The following RYR2 variants were observed in gnomAD, a reference collection of about 807,000 sequenced individuals.
RYR2 encodes cardiac muscle ryanodine receptor-calcium release channel.
A neutral mutation model predicts 601.1 loss-of-function variants in RYR2; 227 were observed. The ratio of observed to expected loss-of-function variants is 0.38; its 90% confidence interval spans 0.34 to 0.42. RYR2 has a LOEUF of 0.42. RYR2 is among the 10% of genes least tolerant of loss of function. RYR2 has a pLI of 1.00. For synonymous variants in RYR2, 2,223 were observed against 2,175.1 expected, an observed-to-expected ratio of 1.02 and a Z score of -0.61; for missense variants, 4,646 against 6,156.5, an observed-to-expected ratio of 0.75 and a Z score of 8.21.
At chr1:237,516,162 G>T (rs1666525304) in intron 24 of RYR2, among the ~76,000 whole-genome samples, 1 of 152,086 alleles carries the variant, frequency 6.6e-6, no homozygotes, top group Admixed American at 6.5e-5. Context: ...CTAGGCTGGA[G>T]TGCAGTTACG....
In RYR2 at chr1:237,705,338, G is replaced by T. The variant is rs759364752; in HGVS notation, c.9575G>T (p.Arg3192Ile). 3 of 1,603,934 alleles carry T rather than the reference G, an allele frequency of 1.9e-6. No individual in the cohort carries two copies. The highest frequency in any genetic ancestry group is 2.2e-5 in the East Asian group (1 of 44,690). Residue 3192 changes from arginine to isoleucine, a missense_variant, in exon 67 of 105, where the codon AGA becomes ATA. Arg to Ile is a moderately conservative substitution (Grantham distance 97). Coordinates refer to ENST00000366574, the MANE Select transcript of RYR2 (RefSeq NM_001035.3). The stretch of plus-strand genomic sequence containing the variant: ...TACAATACCAAGTCTTCACGAGAAA[G>T]AGCAGGTAACACAGAAACATGTGCA... ...SIYNTKSSRE[R>I]AALSLPTNVE...
chr1:237,750,049 G>A (rs762951939), intron 80 of RYR2, among the ~76,000 whole-genome samples: 25 of 152,128 alleles, frequency 1.6e-4, no homozygotes, highest in Non-Finnish European at 3.2e-4. Flanking sequence ...GGGAGGCCGA[G>A]GCACAGGAAT....
intron 79 of RYR2, among the ~76,000 whole-genome samples, chr1:237,735,840 C>T (rs1192137890): frequency 1.6e-4 from 25 of 152,202 alleles, no homozygotes; most frequent in Non-Finnish European, 2.9e-5. Flanking sequence ...AGAAAAATAT[C>T]TGTACATGTT....
At chr1:237,409,880 T>C (rs1430723996) in intron 10 of RYR2, among the ~76,000 whole-genome samples, 2 of 152,194 alleles carry the variant, frequency 1.3e-5, no homozygotes, top group African/African-American at 4.8e-5. Context: ...ACATATGTAA[T>C]GGATTCATGA....
intron 92 of RYR2, among the ~76,000 whole-genome samples, chr1:237,789,201 C>T (rs1043044755): frequency 2.6e-5 from 4 of 152,000 alleles, no homozygotes; most frequent in African/African-American, 9.7e-5. Flanking sequence ...ACAGCAGAGT[C>T]ATATTTAGTG....
At chr1:237,166,970 A>ACCCATTG (rs1169406990) in intron 1 of RYR2, among the ~76,000 whole-genome samples, 2 of 152,250 alleles carry the variant, frequency 1.3e-5, no homozygotes, top group African/African-American at 4.8e-5. Flanking sequence ...TTGAATGAAA[A>ACCCATTG]TATGCTGACA....
At chr1:237,628,121 T>C in intron 41 of RYR2, 41 bp downstream of exon 41, 1 of 1,598,716 alleles carries the variant, frequency 6.3e-7, no homozygotes. Flanking sequence ...CTCGTAAATG[T>C]TTTCTAATTG....
chr1:237,615,700 C>G (rs1051771230), intron 37 of RYR2, among the ~76,000 whole-genome samples: 1 of 152,160 alleles, frequency 6.6e-6, no homozygotes, highest in African/African-American at 2.4e-5. Flanking sequence ...CAAGTGAACC[C>G]TGCCTTTCAG....
chr1:237,104,651 G>C (rs940743818), intron 1 of RYR2, among the ~76,000 whole-genome samples: 1 of 152,160 alleles, frequency 6.6e-6, no homozygotes, highest in Non-Finnish European at 1.5e-5. Context: ...TCTCCCAGCT[G>C]TTACTGGGTC....
At chr1:237,670,348 G>T (rs1304311046) in intron 58 of RYR2, among the ~76,000 whole-genome samples, 1 of 150,834 alleles carries the variant, frequency 6.6e-6, no homozygotes, top group Non-Finnish European at 1.5e-5. Context: ...ACGGGAGAGG[G>T]AGAGGGAGAG....
intron 25 of RYR2, among the ~76,000 whole-genome samples, chr1:237,545,241 T>A (rs1669674346): frequency 6.6e-6 from 1 of 152,222 alleles, no homozygotes; most frequent in Admixed American, 6.5e-5. Context: ...AGAGGAATGA[T>A]TTTGTCAATA....
chr1:237,416,878 T>C (rs1045180875), intron 10 of RYR2, among the ~76,000 whole-genome samples, 171 bp from the exon 11 acceptor site: 1 of 152,152 alleles, frequency 6.6e-6, no homozygotes, highest in Non-Finnish European at 1.5e-5. Context: ...GTTACTGTTA[T>C]TTTGGTTATT....
chr1:237,361,256 T>G (rs972064750), intron 4 of RYR2, among the ~76,000 whole-genome samples: 1 of 152,194 alleles, frequency 6.6e-6, no homozygotes, highest in Non-Finnish European at 1.5e-5. Context: ...TTCTAAAAAT[T>G]ATTGGGACTA....
chr1:237,724,886 A>G (rs771896244), intron 74 of RYR2, among the ~76,000 whole-genome samples: 4 of 152,114 alleles, frequency 2.6e-5, no homozygotes, highest in African/African-American at 4.8e-5. Context: ...ATTCTATTTT[A>G]TTATATTCCC....
At chr1:237,647,468 G>A (rs1210837149) in intron 48 of RYR2, among the ~76,000 whole-genome samples, 2 of 152,138 alleles carry the variant, frequency 1.3e-5, no homozygotes, top group Non-Finnish European at 2.9e-5. Context: ...TATAAGGAAC[G>A]AATACTACCA....
chr1:237,399,485 T>C (rs72765945), intron 10 of RYR2, among the ~76,000 whole-genome samples: 16,197 of 152,104 alleles, frequency 0.11, 1,148 homozygotes, highest in East Asian at 0.28. Flanking sequence ...GTGTTGGATA[T>C]AAAATACTCC....
At chr1:237,647,333 G>A (rs1682276915) in intron 48 of RYR2, among the ~76,000 whole-genome samples, 1 of 152,104 alleles carries the variant, frequency 6.6e-6, no homozygotes. Flanking sequence ...GTTGGGTTGT[G>A]GGAATTGTGT....
chr1:237,205,093 A>G (rs1392586553), intron 1 of RYR2, among the ~76,000 whole-genome samples: 1 of 152,192 alleles, frequency 6.6e-6, no homozygotes, highest in Admixed American at 6.5e-5. Flanking sequence ...AGGGGCTGAC[A>G]TGAGCTCCCC....
Position 237,548,497 on chromosome 1 carries a change from A to C in RYR2, c.2973A>C (p.Ser991=), listed in dbSNP as rs2253273. 7 of 1,613,864 alleles carry C rather than the reference A, an allele frequency of 4.3e-6. No homozygotes were observed. The highest frequency in any genetic ancestry group is 2.7e-5 in the African/African-American group (2 of 74,976). The change falls in exon 26 of 105, where the codon TCA becomes TCC. Residue 991 remains serine (S), a synonymous_variant. Transcript: ENST00000366574. ...MDLSFIKLTP[S]QEAMVDKLAE... ...TGAGCTTTATCAAACTCACCCCATC[A>C]CAAGAAGCAATGGTGGACAAGTTGG...
Sources: gnomAD v4.1 joint callset for allele counts (sites outside exome capture counted in the v4.1 genomes callset) on GRCh38, gnomAD v4.1.1 for gene constraint, MANE v1.5 for transcripts, NCBI Gene and HGNC (gene_info 2026-07-23, HGNC 2026-07-21) for gene names.